The following ARHGEF12 variants were observed in gnomAD, a reference collection of about 807,000 sequenced individuals.
ARHGEF12 encodes the protein KMT2A/ARHGEF12 fusion protein.
In ARHGEF12, 66 loss-of-function variants were observed where a neutral mutation model predicts 211.2. That is an observed-to-expected ratio of 0.31 (90% CI 0.26 to 0.38). The LOEUF (loss-of-function observed/expected upper bound fraction) is 0.38. Among genes scored for constraint, ARHGEF12 ranks in the 10% least tolerant of loss-of-function variants. ARHGEF12 has a pLI of 1.00. For missense variants in ARHGEF12, 1,429 were observed against 1,869.5 expected (o/e 0.76, Z 4.34); for synonymous variants, 592 against 638.4 (o/e 0.93, Z 1.09).
chr11:120,336,896 C>T lies in ARHGEF12; in HGVS notation c.-348C>T. The T allele has an allele frequency of 2.3e-6, 1 of 426,628 alleles. No individual in the cohort carries two copies. The highest frequency in any genetic ancestry group is 4.1e-6 in the Non-Finnish European group (1 of 243,010). The allele number at this position is 426,628 out of a possible 1,614,324, so 26.4% of individuals were successfully genotyped here. A position where few individuals can be genotyped will look rare whatever the true frequency, so the allele number is the denominator to read the frequency against. On this transcript the variant is annotated 5_prime_UTR_variant, in exon 1 of 41. Coordinates refer to ENST00000397843, the MANE Select transcript of ARHGEF12 (RefSeq NM_015313.3). ...GACACCCGTCCGTGAGCTGATCCCG[C>T]CCCAGCCCCGGCGGGAGTCCCGGGT...
At chr11:120,378,879 A>T (rs535359117) in intron 1 of ARHGEF12, among the ~76,000 whole-genome samples, 131 of 152,304 alleles carry the variant, frequency 8.6e-4, no homozygotes, top group African/African-American at 3.1e-3. Flanking sequence ...AAGTCTTTAA[A>T]TAAGGTAATA....
intron 11 of ARHGEF12, among the ~76,000 whole-genome samples, chr11:120,437,061 C>T (rs1945715919): frequency 6.6e-6 from 1 of 151,954 alleles, no homozygotes; most frequent in Non-Finnish European, 1.5e-5. Context: ...AACCTCCAGG[C>T]CTGGAGATTA....
chr11:120,453,632 A>G (rs1036532265), intron 22 of ARHGEF12, among the ~76,000 whole-genome samples: 2 of 152,172 alleles, frequency 1.3e-5, no homozygotes, highest in African/African-American at 2.4e-5. Context: ...TGGGATGATC[A>G]CTTGATCCTA....
intron 7 of ARHGEF12, among the ~76,000 whole-genome samples, chr11:120,427,082 T>C (rs1414268903): frequency 6.6e-6 from 1 of 152,006 alleles, no homozygotes; most frequent in Non-Finnish European, 1.5e-5. Flanking sequence ...TTCACCATGT[T>C]AGCAAGGCTG....
At chr11:120,455,932 A>G (rs1946348419) in intron 22 of ARHGEF12, among the ~76,000 whole-genome samples, 2 of 152,216 alleles carry the variant, frequency 1.3e-5, no homozygotes, top group African/African-American at 2.4e-5. Flanking sequence ...AAGTGGCATG[A>G]TCTTTAGCAA....
chr11:120,394,317 G>A (rs867480323), intron 1 of ARHGEF12, among the ~76,000 whole-genome samples: 24 of 151,212 alleles, frequency 1.6e-4, no homozygotes, highest in Non-Finnish European at 2.9e-4. Context: ...GGCTCAGGCT[G>A]TCCCCACCTT....
intron 1 of ARHGEF12, among the ~76,000 whole-genome samples, chr11:120,355,714 AT>A (rs1943113221): frequency 6.6e-6 from 1 of 152,222 alleles, no homozygotes; most frequent in South Asian, 2.1e-4. Context: ...CTCTTTAAAA[AT>A]AAAAAATAAA....
chr11:120,450,265 C>G (rs1409057529), intron 21 of ARHGEF12: 5 of 148,840 alleles, frequency 3.4e-5, no homozygotes, highest in Admixed American at 2.1e-4. Flanking sequence ...TCTGAGCTAC[C>G]TGGGAGGCTG....
chr11:120,482,745 A>G (rs1025129079), intron 39 of ARHGEF12, among the ~76,000 whole-genome samples: 1 of 55,700 alleles, frequency 1.8e-5, no homozygotes, highest in African/African-American at 4.0e-5. Flanking sequence ...ACTCTGTCTC[A>G]AAAAAAAAAA....
intron 1 of ARHGEF12, among the ~76,000 whole-genome samples, chr11:120,382,056 GATGAATCATA>G (rs1461517693): frequency 8.5e-5 from 13 of 152,150 alleles, no homozygotes; most frequent in Non-Finnish European, 1.5e-4. Flanking sequence ...CCATTGTGTG[GATGAATCATA>G]ATTTGTTTTT....
intron 1 of ARHGEF12, among the ~76,000 whole-genome samples, chr11:120,391,899 C>T (rs1435965372): frequency 2.0e-5 from 3 of 152,128 alleles, no homozygotes; most frequent in South Asian, 2.1e-4. Context: ...GTGTTTTCCA[C>T]ATATTAGATG....
rs776281342 is a variant in ARHGEF12 at position 120,476,747 on chromosome 11, G to A, written c.3364G>A (p.Val1122Ile). Reference protein sequence around the residue: ...LVAQTVSEKTVWQDLICRMAA... With the variant: ...LVAQTVSEKTIWQDLICRMAA... ...GGCACAGACAGTTTCTGAAAAGACT[G>A]TGTATGTATCAGATATGGCTACCTT... The change falls in exon 34 of 41, where the codon GTC (valine) becomes ATC (isoleucine). Residue 1122 changes from valine (V) to isoleucine (I), a missense_variant and splice_region_variant. Physicochemically the swap from Val to Ile is conservative, Grantham distance 29. This residue lies in a region of ARHGEF12 where 223 missense variants were observed against 444.6 expected (regional missense o/e 0.50). Transcript: ENST00000397843. The A allele has an allele frequency of 1.2e-6, 2 of 1,607,994 alleles. No individual in the cohort carries two copies. The highest frequency in any genetic ancestry group is 2.2e-5 in the East Asian group (1 of 44,826).
chr11:120,419,523 G>A (rs988053132), intron 4 of ARHGEF12, among the ~76,000 whole-genome samples: 3 of 151,126 alleles, frequency 2.0e-5, no homozygotes, highest in African/African-American at 7.3e-5. Context: ...TTTAATTTTT[G>A]TGTAGGTCAT....
rs575979801 is a variant in ARHGEF12, at chr11:120,349,571, G to T, written c.32+12296G>T. 2.6e-5 allele frequency among the ~76,000 whole-genome samples: 4 copies of T among 152,236 alleles called. No individual in the cohort carries two copies. In the East Asian group the frequency reaches 7.7e-4, roughly 29 times the overall value. Reference sequence around the variant, plus strand: ...GGTTTTGGTGTGTTGCATTTGTTCTGTTACTAGCTGGGAGACCTTGGGCAA... The same window carrying T: ...GGTTTTGGTGTGTTGCATTTGTTCTTTTACTAGCTGGGAGACCTTGGGCAA... On this transcript the variant is annotated intron_variant, in intron 1 of 40. Transcript: ENST00000397843.
chr11:120,419,472 C>G (rs1388077599), intron 4 of ARHGEF12, among the ~76,000 whole-genome samples: 2 of 147,672 alleles, frequency 1.4e-5, no homozygotes, highest in African/African-American at 5.0e-5. Flanking sequence ...TTTGTGTTAT[C>G]TTATGAAAAA....
intron 7 of ARHGEF12, among the ~76,000 whole-genome samples, chr11:120,427,145 A>C (rs7105449): frequency 0.029 from 4,454 of 151,910 alleles, 244 homozygotes; most frequent in African/African-American, 0.1. Context: ...CAAAGTGCTG[A>C]GATTACAGGC....
At position 120,337,223 on chromosome 11, in the gene ARHGEF12, G is replaced by A; in HGVS notation, c.-21G>A. ...TAAAATGCAAGTTGGATAAAAGGAGGACCTCTCGCCAAGGGCCCCAATGAG... is the reference window on the plus strand; with the variant it reads ...TAAAATGCAAGTTGGATAAAAGGAGAACCTCTCGCCAAGGGCCCCAATGAG... On this transcript the variant is annotated 5_prime_UTR_variant, in exon 1 of 41. Transcript: ENST00000397843. 6.2e-7 allele frequency: 1 copy of A among 1,614,138 alleles called. No homozygotes were observed. The highest frequency in any genetic ancestry group is 8.5e-7 in the Non-Finnish European group (1 of 1,180,028).
Position 120,459,458 on chromosome 11 carries a change from T to G in ARHGEF12, c.2527+138T>G, listed in dbSNP as rs1337271071. On this transcript the variant is annotated intron_variant, in intron 26 of 40. Coordinates refer to ENST00000397843, the MANE Select transcript of ARHGEF12 (RefSeq NM_015313.3). ...AATGTAAGATAAATAAAGGAATGAT[T>G]GGAACTTTGACTAGATCCTTTTCCT... The G allele has an allele frequency of 3.2e-6, 3 of 923,986 alleles. No homozygotes were observed. In the African/African-American group the frequency reaches 5.1e-5, roughly 16 times the overall value. 57.2% of individuals were successfully genotyped at this position (923,986 alleles called of 1,614,324 possible). A position where few individuals can be genotyped will look rare whatever the true frequency, so the allele number is the denominator to read the frequency against.
At chr11:120,422,422 A>G (rs1167098238) in intron 6 of ARHGEF12, among the ~76,000 whole-genome samples, 1 of 152,250 alleles carries the variant, frequency 6.6e-6, no homozygotes, top group Non-Finnish European at 1.5e-5. Flanking sequence ...AACCTGGGCA[A>G]TATAGTGAGA....
Sources: gnomAD v4.1 joint callset for allele counts (sites outside exome capture counted in the v4.1 genomes callset) on GRCh38, gnomAD v4.1.1 for gene constraint, gnomAD v4.1.1 regional missense constraint, MANE v1.5 for transcripts, NCBI Gene and HGNC (gene_info 2026-07-23, HGNC 2026-07-21) for gene names.